ZMAT4: variants seen among roughly 807,000 people sequenced by gnomAD.
ZMAT4 encodes zinc finger matrin-type 4.
ZMAT4 carries 17 observed loss-of-function variants against 28.7 expected under a neutral mutation model. That is an observed-to-expected ratio of 0.59 (90% CI 0.41 to 0.89). The LOEUF (loss-of-function observed/expected upper bound fraction) is 0.89. Ranked by LOEUF, ZMAT4 falls within the 40% of genes least tolerant of loss-of-function variation. ZMAT4 has a pLI of 0.00. For missense variants in ZMAT4, 240 were observed against 283.8 expected, an observed-to-expected ratio of 0.85 and a Z score of 1.11; for synonymous variants, 117 against 109.2, an observed-to-expected ratio of 1.07 and a Z score of -0.44.
At chr8:40,642,987 C>T (rs983344052) in intron 5 of ZMAT4, among the ~76,000 whole-genome samples, 2 of 152,206 alleles carry the variant, frequency 1.3e-5, no homozygotes, top group African/African-American at 4.8e-5. Flanking sequence ...TCAGATTCTT[C>T]ATGAGTGTAT....
At chr8:40,579,261 T>A (rs1327327124) in intron 6 of ZMAT4, among the ~76,000 whole-genome samples, 1 of 152,180 alleles carries the variant, frequency 6.6e-6, no homozygotes, top group Non-Finnish European at 1.5e-5. Context: ...TTTTTCTATG[T>A]ATTGAGTGAT....
At chr8:40,797,175 G>A (rs1586067221) in intron 2 of ZMAT4, among the ~76,000 whole-genome samples, 1 of 152,076 alleles carries the variant, frequency 6.6e-6, no homozygotes, top group Admixed American at 6.5e-5. Flanking sequence ...ACCTCCCAGT[G>A]CCTCTGTGAA....
At chr8:40,695,606 G>T (rs994577996) in intron 4 of ZMAT4, among the ~76,000 whole-genome samples, 8 of 152,118 alleles carry the variant, frequency 5.3e-5, no homozygotes, top group African/African-American at 1.9e-4. Flanking sequence ...GCTGTACTTC[G>T]CTTTTTCCTT....
At position 40,697,267 on chromosome 8, in the gene ZMAT4, C is replaced by T. The variant is rs1279633244; in HGVS notation, c.327G>A (p.Glu109=). 4 of 1,612,338 alleles carry T rather than the reference C, an allele frequency of 2.5e-6. No individual in the cohort carries two copies. In the South Asian group the frequency reaches 4.4e-5, roughly 18 times the overall value. The change falls in exon 4 of 7, where the codon GAG becomes GAA. Residue 109 remains glutamate, a synonymous_variant. Transcript: ENST00000297737. ...TACCTGTGGTCTTTAATGGGGTCTT[C>T]TCTCCTAGCAAGAGTTTTAACCTCT... ...HAKRLKLLLG[E]KTPLKTTATP...
At chr8:40,697,436 A>G in intron 3 of ZMAT4, 35 bp from the exon 4 acceptor site, 3 of 1,477,514 alleles carry the variant, frequency 2.0e-6, no homozygotes, top group Non-Finnish European at 2.7e-6. Context: ...CGTGTGAGAG[A>G]AACCCATTCC....
intron 6 of ZMAT4, among the ~76,000 whole-genome samples, chr8:40,555,347 T>A (rs1803500109): frequency 6.6e-6 from 1 of 152,208 alleles, no homozygotes; most frequent in African/African-American, 2.4e-5. Flanking sequence ...GTGAGATTTC[T>A]AGATCATATG....
At chr8:40,656,048 A>G (rs1250779644) in intron 5 of ZMAT4, among the ~76,000 whole-genome samples, 1 of 152,152 alleles carries the variant, frequency 6.6e-6, no homozygotes, top group Non-Finnish European at 1.5e-5. Context: ...TGAAAATCAT[A>G]TATCTGATAA....
chr8:40,589,762 T>TTCTTTCTTTCTTTCTTTCTTTCTTTCTA (rs139887440), intron 5 of ZMAT4, among the ~76,000 whole-genome samples: 1 of 33,444 alleles, frequency 3.0e-5, no homozygotes, highest in Non-Finnish European at 8.2e-5. Flanking sequence ...CTTTCTTTCT[T>TTCTTTCTTTCTTTCTTTCTTTCTTTCTA]TTTCTTTCTT....
intron 3 of ZMAT4, among the ~76,000 whole-genome samples, chr8:40,757,559 C>G (rs1170216732): frequency 2.0e-5 from 3 of 149,788 alleles, no homozygotes; most frequent in African/African-American, 7.4e-5. Context: ...GCACTCCAGG[C>G]TGGGCAACAG....
intron 6 of ZMAT4, among the ~76,000 whole-genome samples, chr8:40,554,610 T>C (rs1422430560): frequency 6.6e-6 from 1 of 152,184 alleles, no homozygotes; most frequent in Non-Finnish European, 1.5e-5. Flanking sequence ...GAATAAAATA[T>C]TTAAAATATC....
intron 3 of ZMAT4, among the ~76,000 whole-genome samples, chr8:40,711,926 C>T (rs1428568326): frequency 2.6e-5 from 4 of 152,148 alleles, no homozygotes; most frequent in African/African-American, 9.7e-5. Context: ...TTAAGGGATA[C>T]ATCTGTTTTC....
rs969270403 is a variant in ZMAT4, at chr8:40,886,652, C to T, written c.-5+11031G>A. On this transcript the variant is annotated intron_variant, in intron 1 of 6. Transcript: ENST00000297737. ...CTACCTCTAACTTTAAAAGAGATTA[C>T]GCACAGGCTTGTTGCTGTGCCATGA... is the stretch of plus-strand genomic sequence containing the variant. Among the ~76,000 whole-genome samples, 107 of 152,204 alleles carry T rather than the reference C, an allele frequency of 7.0e-4. 1 individual carries two copies. The highest frequency in any genetic ancestry group is 2.3e-3 in the African/African-American group (94 of 41,446).
At chr8:40,671,575 A>G (rs1032399860) in intron 5 of ZMAT4, among the ~76,000 whole-genome samples, 2 of 152,242 alleles carry the variant, frequency 1.3e-5, no homozygotes, top group Non-Finnish European at 2.9e-5. Context: ...CAAGAAATAC[A>G]TATTTTATGA....
intron 5 of ZMAT4, among the ~76,000 whole-genome samples, chr8:40,618,548 T>C (rs1180846438): frequency 6.6e-6 from 1 of 152,208 alleles, no homozygotes; most frequent in Non-Finnish European, 1.5e-5. Flanking sequence ...TACAAGGTTT[T>C]TAATCATCTT....
intron 5 of ZMAT4, among the ~76,000 whole-genome samples, chr8:40,644,168 T>TA (rs1018766331): frequency 1.6e-4 from 25 of 152,100 alleles, no homozygotes; most frequent in African/African-American, 5.8e-4. Context: ...GATGCCATTT[T>TA]AAAAAAATAT....
chr8:40,874,410 G>T (rs1817968287), intron 1 of ZMAT4, among the ~76,000 whole-genome samples: 2 of 152,208 alleles, frequency 1.3e-5, no homozygotes, highest in Admixed American at 6.5e-5. Flanking sequence ...GTTTGTTTTG[G>T]TTAACAAATG....
intron 3 of ZMAT4, among the ~76,000 whole-genome samples, chr8:40,719,256 T>C (rs1161849808): frequency 6.6e-6 from 1 of 152,006 alleles, no homozygotes; most frequent in African/African-American, 2.4e-5. Flanking sequence ...CTGGCCAACA[T>C]AGTAAAACCC....
At chr8:40,693,823 A>T (rs1809758964) in intron 4 of ZMAT4, among the ~76,000 whole-genome samples, 1 of 152,176 alleles carries the variant, frequency 6.6e-6, no homozygotes, top group Non-Finnish European at 1.5e-5. Flanking sequence ...TCTGCAGGAG[A>T]CCCAGAAGAT....
intron 1 of ZMAT4, among the ~76,000 whole-genome samples, chr8:40,893,558 C>T (rs986295180): frequency 2.6e-5 from 4 of 152,302 alleles, no homozygotes; most frequent in Admixed American, 2.6e-4. Context: ...AGCTAAAAAG[C>T]GAAGGCCGCC....
Sources: allele counts gnomAD v4.1 joint callset (sites outside exome capture counted in the v4.1 genomes callset), GRCh38; gene constraint gnomAD v4.1.1; transcripts MANE v1.5; gene names NCBI Gene and HGNC (gene_info 2026-07-23, HGNC 2026-07-21).